Variants in ATF7IP2 observed in about 807,000 individuals in gnomAD.
The protein encoded by ATF7IP2 is activating transcription factor 7-interacting protein 2.
Under a neutral mutation model 64.2 loss-of-function variants are expected in ATF7IP2, and 42 were observed. The observed-to-expected ratio is 0.65, with a 90% CI of 0.51 to 0.85. The LOEUF is 0.85. ATF7IP2 is among the 40% of genes least tolerant of loss of function. The pLI is 0.00. For synonymous variants in ATF7IP2, 308 were observed against 272.8 expected, an observed-to-expected ratio of 1.13 and a Z score of -1.27; for missense variants, 933 against 784.2, an observed-to-expected ratio of 1.19 and a Z score of -2.27.
At chr16:10,435,797 T>C (rs1034311898) in intron 6 of ATF7IP2, among the ~76,000 whole-genome samples, 5 of 152,216 alleles carry the variant, frequency 3.3e-5, no homozygotes, top group African/African-American at 1.2e-4. Flanking sequence ...TCCAGGCTCC[T>C]TTCCAAAAGA....
At position 10,386,330 on chromosome 16, in the gene ATF7IP2, G is replaced by C. The variant is rs2047202748; in HGVS notation, c.-242+208G>C. On this transcript the variant is annotated intron_variant, in intron 1 of 13. Coordinates refer to ENST00000562102, the MANE Select transcript of ATF7IP2 (RefSeq NM_001393719.1). Reference sequence around the variant, plus strand: ...AGAGGCCCCTGAGGGGCGGACGGGCGCGTCTCCACCGTTTTCGCAGAGGGA... The same window carrying C: ...AGAGGCCCCTGAGGGGCGGACGGGCCCGTCTCCACCGTTTTCGCAGAGGGA... The C allele has an allele frequency of 2.6e-5, 4 of 152,416 alleles. No homozygotes were observed. In the South Asian group the frequency reaches 8.3e-4, roughly 32 times the overall value. 9.4% of individuals were successfully genotyped at this position (152,416 alleles called of 1,614,324 possible). A position where few individuals can be genotyped will look rare whatever the true frequency, so the allele number is the denominator to read the frequency against.
intron 12 of ATF7IP2, among the ~76,000 whole-genome samples, chr16:10,478,304 A>C (rs958693870): frequency 2.6e-5 from 4 of 151,262 alleles, no homozygotes; most frequent in African/African-American, 9.7e-5. Context: ...ACCAAAACAG[A>C]GATATAGATC....
At chr16:10,460,304 AAGG>A (rs1176324404) in intron 9 of ATF7IP2, among the ~76,000 whole-genome samples, 2 of 152,198 alleles carry the variant, frequency 1.3e-5, no homozygotes, top group African/African-American at 2.4e-5. Context: ...GGTGTGGACA[AAGG>A]AGTATTATAT....
rs1464295197 is a variant in ATF7IP2 at position 10,483,307 on chromosome 16, AC to A, written c.*1061del. The A allele has an allele frequency of 6.6e-6, 1 of 152,086 alleles. No homozygotes were observed. The highest frequency in any genetic ancestry group is 1.9e-4 in the East Asian group (1 of 5,194). 9.4% of individuals were successfully genotyped at this position (152,086 alleles called of 1,614,324 possible). On this transcript the variant is annotated 3_prime_UTR_variant, in exon 14 of 14. Coordinates refer to ENST00000562102, the MANE Select transcript of ATF7IP2 (RefSeq NM_001393719.1). ...TTAGTTTGCTGATTTCCTAAATGCTACCCTTTGATCATTTCCTGGCCACCAT... is the reference window on the plus strand; with the variant it reads ...TTAGTTTGCTGATTTCCTAAATGCTACCTTTGATCATTTCCTGGCCACCAT...
intron 8 of ATF7IP2, among the ~76,000 whole-genome samples, chr16:10,445,018 T>G (rs552407126): frequency 1.7e-4 from 26 of 152,358 alleles, no homozygotes; most frequent in Non-Finnish European, 2.9e-4. Context: ...GGAATGGTCT[T>G]AGTCCTGGAC....
chr16:10,416,129 A>G (rs148276661), intron 2 of ATF7IP2, among the ~76,000 whole-genome samples: 343 of 152,358 alleles, frequency 2.3e-3, no homozygotes, highest in Non-Finnish European at 3.6e-3. Flanking sequence ...AAATCAGTAT[A>G]TCAAAGGGAT....
rs1458835449 is a variant in ATF7IP2 at position 10,473,499 on chromosome 16, G to C, written c.1447G>C (p.Gly483Arg). The C allele has an allele frequency of 1.9e-6, 3 of 1,567,978 alleles. No individual in the cohort carries two copies. The highest frequency in any genetic ancestry group is 1.4e-5 in the African/African-American group (1 of 73,420). The change falls in exon 11 of 14, where the codon GGA (glycine) becomes CGA (arginine). Residue 483 changes from glycine (G) to arginine (R), a missense_variant. Coordinates refer to ENST00000562102, the MANE Select transcript of ATF7IP2 (RefSeq NM_001393719.1). ...TTCAGATACCAGAAAAATTACATCA[G>C]GAAATTCTAGCAATTCTCCCAATGC... ...NPTDTRKITSGNSSNSPNAEV... is the reference protein window; with the variant it reads ...NPTDTRKITSRNSSNSPNAEV...
intron 9 of ATF7IP2, among the ~76,000 whole-genome samples, chr16:10,462,470 T>G (rs1292929365): frequency 6.6e-6 from 1 of 152,142 alleles, no homozygotes; most frequent in Admixed American, 6.5e-5. Flanking sequence ...TTAACTTGGG[T>G]ATAGAATTAG....
In ATF7IP2 at chr16:10,433,524, G is replaced by A; in HGVS notation, c.836-1G>A. On this transcript the variant is annotated splice_acceptor_variant, in intron 5 of 13. Coordinates refer to ENST00000562102, the MANE Select transcript of ATF7IP2 (RefSeq NM_001393719.1). LOFTEE classifies it high-confidence loss of function. ...CTTTCTAATCTTTTGATCTCCTCAA[G>A]GCCATTATCAAAAGAAGAGGATGTT... 3 of 1,611,738 alleles carry A rather than the reference G, an allele frequency of 1.9e-6. No individual in the cohort carries two copies. Among genetic ancestry groups the A allele is most frequent in the Non-Finnish European group, 2.5e-6 (3 of 1,178,356 alleles).
chr16:10,465,164 T>C (rs2049519281), intron 9 of ATF7IP2, among the ~76,000 whole-genome samples: 1 of 152,112 alleles, frequency 6.6e-6, no homozygotes. Flanking sequence ...TTAATCCTAA[T>C]AATAAATGTA....
At chr16:10,391,422 A>C (rs972700173) in intron 1 of ATF7IP2, among the ~76,000 whole-genome samples, 4 of 152,194 alleles carry the variant, frequency 2.6e-5, no homozygotes, top group South Asian at 2.1e-4. Context: ...CTCTGTGTCA[A>C]ATAAAAAAAG....
rs756197596 is a variant in ATF7IP2 at position 10,433,499 on chromosome 16, C to G, written c.836-26C>G. ...CTGTTTTTTTCTTTAAAATATCTTT[C>G]TTTCTAATCTTTTGATCTCCTCAAG... is the stretch of plus-strand genomic sequence containing the variant. On this transcript the variant is annotated intron_variant, in intron 5 of 13. Coordinates refer to ENST00000562102, the MANE Select transcript of ATF7IP2 (RefSeq NM_001393719.1). 3.8e-6 allele frequency: 6 copies of G among 1,594,554 alleles called. No individual in the cohort carries two copies. In the East Asian group the frequency reaches 1.3e-4, roughly 36 times the overall value.
chr16:10,440,321 A>T, intron 7 of ATF7IP2, 43 bp from the exon 8 acceptor site: 1 of 987,734 alleles, frequency 1.0e-6, no homozygotes, highest in Non-Finnish European at 1.5e-6. Context: ...TGTGATATAT[A>T]GTACTCTGGC....
chr16:10,424,195 TC>T (rs1430288659), intron 3 of ATF7IP2, among the ~76,000 whole-genome samples: 1 of 152,190 alleles, frequency 6.6e-6, no homozygotes, highest in African/African-American at 2.4e-5. Context: ...GGCGAGGTGT[TC>T]CCTTGCCCTA....
chr16:10,405,113 G>A (rs949066622), intron 1 of ATF7IP2, among the ~76,000 whole-genome samples: 5 of 151,850 alleles, frequency 3.3e-5, no homozygotes, highest in Admixed American at 1.3e-4. Flanking sequence ...CTGTAATCTC[G>A]GCACTTTGGG....
chr16:10,395,510 G>GT (rs949226046), intron 1 of ATF7IP2, among the ~76,000 whole-genome samples: 63 of 152,054 alleles, frequency 4.1e-4, no homozygotes, highest in African/African-American at 3.4e-4. Flanking sequence ...GCAGAACGAT[G>GT]TTTTTTTAAT....
intron 1 of ATF7IP2, among the ~76,000 whole-genome samples, chr16:10,393,141 C>G (rs1222638477): frequency 6.6e-6 from 1 of 151,874 alleles, no homozygotes. Context: ...GAAACCCCCT[C>G]TCTACTAAAA....
chr16:10,476,131 C>T (rs2049999641), intron 12 of ATF7IP2, among the ~76,000 whole-genome samples: 1 of 152,160 alleles, frequency 6.6e-6, no homozygotes, highest in Non-Finnish European at 1.5e-5. Context: ...TAGTTCTTAA[C>T]CTGTAGATTA....
At chr16:10,441,865 G>A (rs1334145393) in intron 8 of ATF7IP2, among the ~76,000 whole-genome samples, 2 of 152,102 alleles carry the variant, frequency 1.3e-5, no homozygotes, top group East Asian at 3.9e-4. Flanking sequence ...AACAAGAGCT[G>A]GGAGTCACAA....
Sources: gnomAD v4.1 joint callset for allele counts (sites outside exome capture counted in the v4.1 genomes callset) on GRCh38, gnomAD v4.1.1 for gene constraint, MANE v1.5 for transcripts, NCBI Gene and HGNC (gene_info 2026-07-23, HGNC 2026-07-21) for gene names.